The following GRIK4 variants were observed in gnomAD, a reference collection of about 807,000 sequenced individuals.
The protein encoded by GRIK4 is glutamate ionotropic receptor kainate type subunit 4, also known as glutamate receptor ionotropic, kainate 4.
A neutral mutation model predicts 104.9 loss-of-function variants in GRIK4; 40 were observed. The ratio of observed to expected loss-of-function variants is 0.38; its 90% CI spans 0.30 to 0.50. The LOEUF is 0.50. Among genes scored for constraint, GRIK4 ranks in the 20% least tolerant of loss-of-function variants. GRIK4 has a pLI of 0.93. For missense variants in GRIK4, 1,047 were observed against 1,308.1 expected, an observed-to-expected ratio of 0.80 and a Z score of 3.08; for synonymous variants, 485 against 524.9, an observed-to-expected ratio of 0.92 and a Z score of 1.04.
intron 1 of GRIK4, among the ~76,000 whole-genome samples, chr11:120,514,441 C>G (rs1490973105): frequency 2.0e-5 from 3 of 152,214 alleles, no homozygotes; most frequent in African/African-American, 7.2e-5. Flanking sequence ...TCCCAGGCCC[C>G]TGGACGCTCA....
chr11:120,564,852 G>A (rs1330795447), intron 1 of GRIK4: 3 of 152,350 alleles, frequency 2.0e-5, no homozygotes, highest in Admixed American at 2.0e-4. Context: ...CACAGGAAGC[G>A]GGCTGACTGG....
chr11:120,781,662 C>G (rs2846104), intron 3 of GRIK4, among the ~76,000 whole-genome samples: 11,094 of 152,238 alleles, frequency 0.073, 932 homozygotes, highest in African/African-American at 0.2. Context: ...CTGTCTGTGT[C>G]TTCACAAGCC....
intron 3 of GRIK4, among the ~76,000 whole-genome samples, chr11:120,792,897 CAAG>C (rs1952429414): frequency 6.6e-6 from 1 of 152,052 alleles, no homozygotes; most frequent in African/African-American, 2.4e-5. Context: ...GGGAGGATGA[CAAG>C]AAGAGGCCTC....
intron 3 of GRIK4, among the ~76,000 whole-genome samples, chr11:120,684,054 A>G (rs756875405): frequency 6.6e-6 from 1 of 152,144 alleles, no homozygotes. Flanking sequence ...GCTGGGTGTA[A>G]TGGCTCACAC....
At chr11:120,810,995 T>C (rs1952817920) in intron 4 of GRIK4, among the ~76,000 whole-genome samples, 1 of 152,122 alleles carries the variant, frequency 6.6e-6, no homozygotes, top group Non-Finnish European at 1.5e-5. Context: ...CCCCCACAAG[T>C]GTTCACAGAC....
At chr11:120,706,354 C>T (rs1361052747) in intron 3 of GRIK4, among the ~76,000 whole-genome samples, 1 of 152,212 alleles carries the variant, frequency 6.6e-6, no homozygotes, top group Non-Finnish European at 1.5e-5. Context: ...GCTGATCCAG[C>T]CTGAGTGCTG....
At chr11:120,884,533 TC>T (rs1251253026) in intron 11 of GRIK4, among the ~76,000 whole-genome samples, 1 of 152,200 alleles carries the variant, frequency 6.6e-6, no homozygotes, top group East Asian at 1.9e-4. Flanking sequence ...CAGGATGGCC[TC>T]CCCACAGCCT....
intron 13 of GRIK4, among the ~76,000 whole-genome samples, chr11:120,914,016 C>T (rs774305419): frequency 2.6e-5 from 4 of 152,234 alleles, no homozygotes; most frequent in Non-Finnish European, 4.4e-5. Flanking sequence ...ACTCCTTCCC[C>T]GTGTGACAGC....
chr11:120,579,132 G>A (rs1313484749), intron 1 of GRIK4, among the ~76,000 whole-genome samples: 1 of 152,216 alleles, frequency 6.6e-6, no homozygotes, highest in African/African-American at 2.4e-5. Flanking sequence ...CCAGCACTGA[G>A]GATCCAGCTG....
chr11:120,943,602 T>C (rs1379442942), intron 14 of GRIK4, among the ~76,000 whole-genome samples: 1 of 152,230 alleles, frequency 6.6e-6, no homozygotes, highest in Non-Finnish European at 1.5e-5. Context: ...AATTAAATAC[T>C]GGGTGTTCGT....
Position 120,969,874 on chromosome 11 carries a change from C to T in GRIK4, c.2395+2551C>T, listed in dbSNP as rs548767211. On this transcript the variant is annotated intron_variant, in intron 19 of 20. Transcript: ENST00000527524. Reference sequence around the variant, plus strand: ...GTCTAGGTATCTTTCTTCCTAGAAACGCTTGATCTCCCTCTCCCCTCACCA... The same window carrying T: ...GTCTAGGTATCTTTCTTCCTAGAAATGCTTGATCTCCCTCTCCCCTCACCA... Among the ~76,000 whole-genome samples, 25 of 152,228 alleles carry T rather than the reference C, an allele frequency of 1.6e-4. No individual in the cohort carries two copies. In the South Asian group the frequency reaches 4.1e-3, roughly 25 times the overall value.
At chr11:120,751,114 T>C (rs1760086000) in intron 3 of GRIK4, among the ~76,000 whole-genome samples, 1 of 151,884 alleles carries the variant, frequency 6.6e-6, no homozygotes, top group African/African-American at 2.4e-5. Flanking sequence ...GAGGGAGCGA[T>C]TCTTTTCACC....
chr11:120,742,968 C>A (rs917026114), intron 3 of GRIK4, among the ~76,000 whole-genome samples: 1 of 152,204 alleles, frequency 6.6e-6, no homozygotes, highest in Admixed American at 6.5e-5. Flanking sequence ...CATGGTGGCT[C>A]ACACCTATAA....
chr11:120,536,857 G>A (rs1591681145), intron 1 of GRIK4, among the ~76,000 whole-genome samples: 1 of 152,222 alleles, frequency 6.6e-6, no homozygotes, highest in Non-Finnish European at 1.5e-5. Context: ...AACAGAGCGG[G>A]GGAGGCCTGA....
chr11:120,740,968 C>G (rs1163867528), intron 3 of GRIK4, among the ~76,000 whole-genome samples: 1 of 152,146 alleles, frequency 6.6e-6, no homozygotes, highest in African/African-American at 2.4e-5. Flanking sequence ...CTGGGGTCTT[C>G]CGGCTGGACC....
At chr11:120,973,336 A>T (rs1216310428) in intron 19 of GRIK4, among the ~76,000 whole-genome samples, 1 of 152,118 alleles carries the variant, frequency 6.6e-6, no homozygotes, top group Admixed American at 6.5e-5. Flanking sequence ...AGATGGAAAG[A>T]AGTGAACAGG....
chr11:120,736,363 G>A (rs1485144555), intron 3 of GRIK4, among the ~76,000 whole-genome samples: 2 of 152,070 alleles, frequency 1.3e-5, no homozygotes, highest in Non-Finnish European at 2.9e-5. Context: ...GAAGGAAGGA[G>A]TCACTTTTGT....
At chr11:120,917,269 A>AAAAAAAAAAAAAG (rs1463389337) in intron 13 of GRIK4, among the ~76,000 whole-genome samples, 4 of 138,288 alleles carry the variant, frequency 2.9e-5, no homozygotes, top group Non-Finnish European at 4.5e-5. Flanking sequence ...AAAAAAAAAA[A>AAAAAAAAAAAAAG]AAAGAAAGAA....
chr11:120,968,547 A>G (rs1384074445), intron 19 of GRIK4, among the ~76,000 whole-genome samples: 1 of 152,222 alleles, frequency 6.6e-6, no homozygotes, highest in African/African-American at 2.4e-5. Context: ...CTCAGTGTCT[A>G]TACGTGGATC....
Sources: gnomAD v4.1 joint callset for allele counts (sites outside exome capture counted in the v4.1 genomes callset) on GRCh38, gnomAD v4.1.1 for gene constraint, MANE v1.5 for transcripts, NCBI Gene and HGNC (gene_info 2026-07-23, HGNC 2026-07-21) for gene names.